IL7R: variants seen among roughly 807,000 people sequenced by gnomAD.
IL7R encodes interleukin 7 receptor, also known as interleukin-7 receptor subunit alpha.
Under a neutral mutation model 47.0 loss-of-function variants are expected in IL7R, and 38 were observed. The ratio of observed to expected loss-of-function variants is 0.81; its 90% CI spans 0.62 to 1.06. The LOEUF (loss-of-function observed/expected upper bound fraction) is 1.06, where lower values mean the gene tolerates loss of function less well. Ranked by LOEUF, IL7R falls within the 50% of genes least tolerant of loss-of-function variation. The pLI is 0.00. For synonymous variants in IL7R, 221 were observed against 199.8 expected, an observed-to-expected ratio of 1.11 and a Z score of -0.89; for missense variants, 633 against 534.8, an observed-to-expected ratio of 1.18 and a Z score of -1.81.
Position 35,878,246 on chromosome 5 carries a change from C to T in IL7R, c.*1760C>T. ...ACAATGCCATAATCCCTTAGGTTTG[C>T]CTAGTGCTTTTGCAATTTTCAAAGC... On this transcript the variant is annotated 3_prime_UTR_variant, in exon 8 of 8. Transcript: ENST00000303115. 4.3e-6 allele frequency: 1 copy of T among 233,252 alleles called. No homozygotes were observed. Among genetic ancestry groups the T allele is most frequent in the Non-Finnish European group, 8.5e-6 (1 of 118,044 alleles). The allele number at this position is 233,252 out of a possible 1,614,324, so 14.4% of individuals were successfully genotyped here.
chr5:35,862,976 G>T (rs1226165798), intron 2 of IL7R, among the ~76,000 whole-genome samples: 2 of 151,806 alleles, frequency 1.3e-5, no homozygotes, highest in Admixed American at 6.6e-5. Context: ...CCTGATGTTT[G>T]TCCTAAGCTT....
intron 2 of IL7R, among the ~76,000 whole-genome samples, chr5:35,866,388 G>C (rs1418829276): frequency 1.3e-5 from 2 of 152,144 alleles, no homozygotes; most frequent in Middle Eastern, 3.4e-3. Context: ...GGCCAGGTTT[G>C]GGTACCAGGA....
At chr5:35,873,364 G>T in intron 4 of IL7R, 116 bp from the exon 5 acceptor site, 1 of 885,286 alleles carries the variant, frequency 1.1e-6, no homozygotes. Context: ...TAACAAATAC[G>T]AGACAACTTC....
rs1229319101 is a variant in IL7R at position 35,878,113 on chromosome 5, A to G, written c.*1627A>G. The G allele has an allele frequency of 4.3e-6, 1 of 233,272 alleles. No homozygotes were observed. Among genetic ancestry groups the G allele is most frequent in the Admixed American group, 5.6e-5 (1 of 17,798 alleles). The allele number at this position is 233,272 out of a possible 1,614,324, so 14.5% of individuals were successfully genotyped here. ...TGAATGGGGTTTTAACTGTGGATGAATGGACCTTATCTGTTGGCTTAAAGG... is the reference window on the plus strand; with the variant it reads ...TGAATGGGGTTTTAACTGTGGATGAGTGGACCTTATCTGTTGGCTTAAAGG... On this transcript the variant is annotated 3_prime_UTR_variant, in exon 8 of 8. Coordinates refer to ENST00000303115, the MANE Select transcript of IL7R (RefSeq NM_002185.5).
chr5:35,867,949 T>C (rs1759979838), intron 3 of IL7R, among the ~76,000 whole-genome samples: 3 of 152,148 alleles, frequency 2.0e-5, no homozygotes, highest in Non-Finnish European at 4.4e-5. Flanking sequence ...GATAGATAGA[T>C]AGATCATTGA....
At chr5:35,873,892 G>A (rs1473484948) in intron 5 of IL7R, among the ~76,000 whole-genome samples, 1 of 152,192 alleles carries the variant, frequency 6.6e-6, no homozygotes, top group African/African-American at 2.4e-5. Context: ...ATTCCTGGAA[G>A]CTGCCATACA....
At position 35,860,933 on chromosome 5, in the gene IL7R, T is replaced by C. The variant is rs1273552553; in HGVS notation, c.164T>C (p.Leu55Pro). ...QLEVNGSQHSLTCAFEDPDVN... is the reference protein window; with the variant it reads ...QLEVNGSQHSPTCAFEDPDVN... ...GAAGTGAATGGATCGCAGCACTCACTGACCTGTGCTTTTGAGGACCCAGAT... is the reference window on the plus strand; with the variant it reads ...GAAGTGAATGGATCGCAGCACTCACCGACCTGTGCTTTTGAGGACCCAGAT... Residue 55 changes from leucine (L) to proline (P), a missense_variant, in exon 2 of 8, where the codon CTG becomes CCG. Transcript: ENST00000303115. 1 of 1,613,428 alleles carries C rather than the reference T, an allele frequency of 6.2e-7. No homozygotes were observed. The highest frequency in any genetic ancestry group is 8.5e-7 in the Non-Finnish European group (1 of 1,179,474).
chr5:35,873,390 G>T, intron 4 of IL7R, 90 bp from the exon 5 acceptor site: 1 of 1,094,270 alleles, frequency 9.1e-7, no homozygotes. Flanking sequence ...ATGCTTATGG[G>T]ACTAAAGGAA....
At position 35,856,942 on chromosome 5, in the gene IL7R, C is replaced by G; in HGVS notation, c.-36C>G. The G allele has an allele frequency of 8.4e-7, 1 of 1,191,314 alleles. No homozygotes were observed. Among genetic ancestry groups the G allele is most frequent in the Non-Finnish European group, 1.3e-6 (1 of 799,328 alleles). 73.8% of individuals were successfully genotyped at this position (1,191,314 alleles called of 1,614,324 possible). ...CTCTCATTCATTTCATACACACTGGCTCACACATCTACTCTCTCTCTCTAT... is the reference window on the plus strand; with the variant it reads ...CTCTCATTCATTTCATACACACTGGGTCACACATCTACTCTCTCTCTCTAT... On this transcript the variant is annotated 5_prime_UTR_variant, in exon 1 of 8. Transcript: ENST00000303115.
In IL7R at chr5:35,871,215, T is replaced by G; in HGVS notation, c.537+2T>G. 6.2e-7 allele frequency: 1 copy of G among 1,608,460 alleles called. No homozygotes were observed. Among genetic ancestry groups the G allele is most frequent in the Non-Finnish European group, 8.5e-7 (1 of 1,175,180 alleles). ...GAAAAGGATGAAAACAAATGGACGG[T>G]ATGTAGTTCAACTACATTAATAAAA... On this transcript the variant is annotated splice_donor_variant, in intron 4 of 7. Coordinates refer to ENST00000303115, the MANE Select transcript of IL7R (RefSeq NM_002185.5). LOFTEE classifies it high-confidence loss of function.
chr5:35,858,218 C>T (rs1450995613), intron 1 of IL7R, among the ~76,000 whole-genome samples: 1 of 152,148 alleles, frequency 6.6e-6, no homozygotes, highest in South Asian at 2.1e-4. Flanking sequence ...TGGGTTTTCA[C>T]TCCAACTTTT....
At position 35,876,014 on chromosome 5, in the gene IL7R, T is replaced by G. The variant is rs200107390; in HGVS notation, c.908T>G (p.Phe303Cys). The change falls in exon 8 of 8, where the codon TTC becomes TGC. Residue 303 changes from phenylalanine to cysteine, a missense_variant. Transcript: ENST00000303115. Reference protein sequence around the residue: ...NLNVSFNPESFLDCQIHRVDD... With the variant: ...NLNVSFNPESCLDCQIHRVDD... The stretch of plus-strand genomic sequence containing the variant: ...AATGTGAGTTTCAATCCTGAAAGTT[T>G]CCTGGACTGCCAGATTCATAGGGTG... 3.7e-6 allele frequency: 6 copies of G among 1,613,892 alleles called. No individual in the cohort carries two copies. In the South Asian group the frequency reaches 5.5e-5, roughly 15 times the overall value.
intron 2 of IL7R, among the ~76,000 whole-genome samples, chr5:35,866,502 G>A (rs1324282353): frequency 6.6e-6 from 1 of 152,062 alleles, no homozygotes; most frequent in Non-Finnish European, 1.5e-5. Context: ...ACATTTGATA[G>A]AATTTACCAG....
At position 35,876,198 on chromosome 5, in the gene IL7R, T is replaced by A. The variant is rs201216012; in HGVS notation, c.1092T>A (p.Asp364Glu). 1 of 1,614,158 alleles carries A rather than the reference T, an allele frequency of 6.2e-7. No homozygotes were observed. The highest frequency in any genetic ancestry group is 1.1e-5 in the South Asian group (1 of 91,070). ...VVITPESFGR[D>E]SSLTCLAGNV... ...TCACTCCAGAAAGCTTTGGAAGAGA[T>A]TCATCCCTCACATGCCTGGCTGGGA... Residue 364 changes from aspartate (D) to glutamate (E), a missense_variant, in exon 8 of 8, where the codon GAT becomes GAA. Coordinates refer to ENST00000303115, the MANE Select transcript of IL7R (RefSeq NM_002185.5).
Position 35,877,517 on chromosome 5 carries a change from A to G in IL7R, c.*1031A>G, listed in dbSNP as rs181322631. On this transcript the variant is annotated 3_prime_UTR_variant, in exon 8 of 8. Transcript: ENST00000303115. ...TGCTACCACCCAACTGCATCCGTCC[A>G]TGATCTCAGAGGAAACTGTCGCTGA... is the stretch of plus-strand genomic sequence containing the variant. 8.6e-6 allele frequency: 2 copies of G among 233,244 alleles called. No homozygotes were observed. The highest frequency in any genetic ancestry group is 1.2e-4 in the East Asian group (2 of 16,572). 14.4% of individuals were successfully genotyped at this position (233,244 alleles called of 1,614,324 possible). A position where few individuals can be genotyped will look rare whatever the true frequency, so the allele number is the denominator to read the frequency against.
At chr5:35,860,830 C>G (rs199627319) in intron 1 of IL7R, 22 bp from the exon 2 acceptor site, 24 of 1,612,106 alleles carry the variant, frequency 1.5e-5, no homozygotes, top group Non-Finnish European at 1.8e-5. Flanking sequence ...TCATTAACAG[C>G]TGCATGTTTG....
chr5:35,857,246 T>C (rs1358802386), intron 1 of IL7R, among the ~76,000 whole-genome samples, 187 bp downstream of exon 1: 2 of 152,090 alleles, frequency 1.3e-5, no homozygotes, highest in Non-Finnish European at 2.9e-5. Context: ...ATACTATGGG[T>C]GGTTTATAAG....
At chr5:35,870,100 A>G (rs1365025384) in intron 3 of IL7R, among the ~76,000 whole-genome samples, 1 of 152,204 alleles carries the variant, frequency 6.6e-6, no homozygotes, top group Non-Finnish European at 1.5e-5. Context: ...TCAGTCATGC[A>G]AGAAGTAGCA....
At chr5:35,874,385 C>T (rs1183836105) in intron 5 of IL7R, 64 bp from the exon 6 acceptor site, 5 of 1,076,778 alleles carry the variant, frequency 4.6e-6, no homozygotes, top group Non-Finnish European at 7.3e-6. Flanking sequence ...TGCAAAGCAC[C>T]CTGAGACCCT....
Sources: gnomAD v4.1 joint callset for allele counts (sites outside exome capture counted in the v4.1 genomes callset) on GRCh38, gnomAD v4.1.1 for gene constraint, MANE v1.5 for transcripts, NCBI Gene and HGNC (gene_info 2026-07-23, HGNC 2026-07-21) for gene names.